DNAH6: variants seen among roughly 807,000 people sequenced by gnomAD.
DNAH6 encodes axonemal beta dynein heavy chain 6.
DNAH6 carries 340 observed loss-of-function variants against 491.4 expected under a neutral mutation model. The ratio of observed to expected loss-of-function variants is 0.69; its 90% CI spans 0.63 to 0.76. The LOEUF (loss-of-function observed/expected upper bound fraction) is 0.76. DNAH6 is among the 30% of genes least tolerant of loss of function. The probability of loss-of-function intolerance (pLI) is 0.00; values close to 1 mark genes in which losing one functional copy is unlikely to be tolerated. For missense variants in DNAH6, 4,443 were observed against 4,972.2 expected (o/e 0.89, Z 3.20); for synonymous variants, 1,603 against 1,686.1 (o/e 0.95, Z 1.21).
chr2:84,670,521 G>A, intron 39 of DNAH6, 46 bp downstream of exon 39: 1 of 1,266,160 alleles, frequency 7.9e-7, no homozygotes, highest in South Asian at 1.4e-5. Context: ...TATTCATTAA[G>A]CTAATAAATG....
chr2:84,511,622 A>C (rs1296446757), upstream of DNAH6, among the ~76,000 whole-genome samples: 1 of 151,912 alleles, frequency 6.6e-6, no homozygotes, highest in African/African-American at 2.4e-5. Flanking sequence ...CGAACCCAGT[A>C]CCTCAGTTGG....
chr2:84,513,272 A>G (rs1205709741), upstream of DNAH6, among the ~76,000 whole-genome samples: 1 of 152,102 alleles, frequency 6.6e-6, no homozygotes, highest in Non-Finnish European at 1.5e-5. Context: ...TGAATATTAT[A>G]ATATGGTAAC....
upstream of DNAH6, among the ~76,000 whole-genome samples, chr2:84,512,045 C>T (rs1675353757): frequency 6.6e-6 from 1 of 152,102 alleles, no homozygotes; most frequent in South Asian, 2.1e-4. Flanking sequence ...GTTTCATGTG[C>T]CCTTGAAAAG....
chr2:84,648,690 A>G (rs1250181681), intron 33 of DNAH6, among the ~76,000 whole-genome samples: 1 of 152,238 alleles, frequency 6.6e-6, no homozygotes, highest in African/African-American at 2.4e-5. Flanking sequence ...TCAAACGTGA[A>G]TAGATGAGGA....
chr2:84,469,940 G>A, the DNAH6 span, among the ~76,000 whole-genome samples: 2 of 152,016 alleles, frequency 1.3e-5, no homozygotes, highest in Non-Finnish European at 2.9e-5. The surrounding 1 kb of genome is among the most constrained non-coding windows in gnomAD (Gnocchi z 4.0). Context: ...TTAACCCAAC[G>A]TTGGTCAAGC....
intron 46 of DNAH6, among the ~76,000 whole-genome samples, chr2:84,694,998 A>G (rs911036727): frequency 2.0e-5 from 3 of 152,178 alleles, no homozygotes; most frequent in African/African-American, 7.2e-5. Flanking sequence ...AAATAAACCC[A>G]TCTAGAAATT....
In DNAH6 at chr2:84,577,394, T is replaced by C; in HGVS notation, c.2062T>C (p.Leu688=). 2 of 1,601,020 alleles carry C rather than the reference T, an allele frequency of 1.2e-6. No homozygotes were observed. Among genetic ancestry groups the C allele is most frequent in the Non-Finnish European group, 1.7e-6 (2 of 1,175,056 alleles). Residue 688 remains leucine, a synonymous_variant, in exon 13 of 77, where the codon TTG becomes CTG. Transcript: ENST00000389394. ...AAGAGAAAAATTAATTCCATCACCT[T>C]TGCGATGCTTAGAGGTAACTATAAA... ...LLREKLIPSP[L]RCLEVLNFML...
chr2:84,657,306 TG>T (rs2104583772), intron 35 of DNAH6, among the ~76,000 whole-genome samples: 1 of 152,170 alleles, frequency 6.6e-6, no homozygotes, highest in African/African-American at 2.4e-5. Flanking sequence ...TTGGTTATTC[TG>T]GGTTTTTTGC....
intron 10 of DNAH6, among the ~76,000 whole-genome samples, chr2:84,557,169 T>A (rs1680117945): frequency 6.6e-6 from 1 of 152,200 alleles, no homozygotes; most frequent in South Asian, 2.1e-4. Flanking sequence ...GCTAGTGTTT[T>A]GTTCACACTT....
chr2:84,790,201 G>T (rs975869190), intron 68 of DNAH6, among the ~76,000 whole-genome samples: 1 of 152,126 alleles, frequency 6.6e-6, no homozygotes, highest in African/African-American at 2.4e-5. Context: ...TGGGACAATT[G>T]GGTGTCCATA....
rs193184813 is a variant in DNAH6, at chr2:84,699,594, G to T, written c.7678G>T (p.Val2560Leu). Reference sequence around the variant, plus strand: ...GAAAAAATAACTTTCTTTTTGTCAGGTGTTTCAATACTTTATCAGCAAAGT... The same window carrying T: ...GAAAAAATAACTTTCTTTTTGTCAGTTGTTTCAATACTTTATCAGCAAAGT... ...VGISEGNRDEVFQYFISKVRQ... is the reference protein window; with the variant it reads ...VGISEGNRDELFQYFISKVRQ... Residue 2560 changes from valine (V) to leucine (L), a missense_variant and splice_region_variant, in exon 48 of 77, where the codon GTG (valine) becomes TTG (leucine). Physicochemically the swap from Val to Leu is conservative, Grantham distance 32 (BLOSUM62 1). Transcript: ENST00000389394. The T allele has an allele frequency of 5.8e-4, 892 of 1,544,534 alleles. 8 individuals carry two copies. The South Asian group carries it at 6.3e-3, about 11-fold the overall frequency.
chr2:84,672,561 A>G (rs1692837982), intron 40 of DNAH6, 77 bp downstream of exon 40: 6 of 1,345,518 alleles, frequency 4.5e-6, no homozygotes, highest in South Asian at 1.5e-5. Context: ...TTGTGAGACT[A>G]CCATAACAAA....
chr2:84,726,292 C>T (rs1463548621), intron 60 of DNAH6, among the ~76,000 whole-genome samples: 1 of 152,132 alleles, frequency 6.6e-6, no homozygotes, highest in African/African-American at 2.4e-5. Context: ...TACTACCTCA[C>T]CTCCCACCTT....
chr2:84,563,586 G>T (rs545295076), intron 11 of DNAH6, among the ~76,000 whole-genome samples: 26 of 152,170 alleles, frequency 1.7e-4, no homozygotes, highest in African/African-American at 6.0e-4. Flanking sequence ...GTTTTTAATA[G>T]ATTCTGGATA....
rs770589966 is a variant in DNAH6, at chr2:84,812,442, TCTGTGGTCCAACA to T, written c.11843_11855del (p.Leu3948GlnfsTer6). The T allele has an allele frequency of 6.4e-7, 1 of 1,551,728 alleles. No homozygotes were observed. The highest frequency in any genetic ancestry group is 1.7e-4 in the Middle Eastern group (1 of 5,992). ...GTTTCCTCAACAACCAGGTTCCCGC[TCTGTGGTCCAACA>T]CAGCCTACCCATCCCTGAAGCCACT... On this transcript the variant is annotated frameshift_variant, in exon 73 of 77. Coordinates refer to ENST00000389394, the MANE Select transcript of DNAH6 (RefSeq NM_001370.2). LOFTEE classifies it high-confidence loss of function.
chr2:84,706,299 G>A (rs1696423128), intron 52 of DNAH6, among the ~76,000 whole-genome samples: 1 of 152,198 alleles, frequency 6.6e-6, no homozygotes, highest in African/African-American at 2.4e-5. Flanking sequence ...TGCTGTTGCA[G>A]CACAGAAACA....
chr2:84,683,994 A>C (rs773459835), intron 42 of DNAH6, among the ~76,000 whole-genome samples: 1 of 152,156 alleles, frequency 6.6e-6, no homozygotes, highest in Admixed American at 6.5e-5. Context: ...TTCCTAATGC[A>C]CAGTTCTCAC....
At chr2:84,548,186 T>G (rs1678972108) in intron 7 of DNAH6, 102 bp from the exon 8 acceptor site, 1 of 1,295,804 alleles carries the variant, frequency 7.7e-7, no homozygotes, top group African/African-American at 1.5e-5. Flanking sequence ...ACCAAAATAT[T>G]TTGTTGTTTT....
intron 12 of DNAH6, among the ~76,000 whole-genome samples, chr2:84,574,359 A>C (rs974860464): frequency 2.6e-5 from 4 of 152,092 alleles, no homozygotes; most frequent in African/African-American, 9.7e-5. Flanking sequence ...TTCAATATGC[A>C]TCTCTAAAAC....
Sources: gnomAD v4.1 joint callset for allele counts (sites outside exome capture counted in the v4.1 genomes callset) on GRCh38, gnomAD v4.1.1 for gene constraint, Gnocchi (gnomAD v3.1) non-coding constraint, MANE v1.5 for transcripts, NCBI Gene and HGNC (gene_info 2026-07-23, HGNC 2026-07-21) for gene names.